Variants in EYS observed in about 807,000 individuals in gnomAD.
EYS encodes the protein protein eyes shut homolog.
In EYS, 250 loss-of-function variants were observed where a neutral mutation model predicts 282.1. That is an observed-to-expected ratio of 0.89 (90% confidence interval 0.80 to 0.98). The LOEUF is 0.98. Among genes scored for constraint, EYS ranks in the 50% least tolerant of loss-of-function variants. The probability of loss-of-function intolerance (pLI) is 0.00; values close to 1 mark genes in which losing one functional copy is unlikely to be tolerated. For missense variants in EYS, 4,016 were observed against 3,709.0 expected (o/e 1.08, Z -2.15); for synonymous variants, 1,355 against 1,282.9 (o/e 1.06, Z -1.20).
rs948756894 is a variant in EYS, at chr6:64,887,943, G to T, written c.2847-1101C>A. ...ATCAGTGTTTTAAAATTCTGAATAT[G>T]AATGAAAACATGCAGTATTTTTCTT... On this transcript the variant is annotated intron_variant, in intron 18 of 42. Transcript: ENST00000503581. Among the ~76,000 whole-genome samples, 43 of 151,730 alleles carry T rather than the reference G, an allele frequency of 2.8e-4. 1 individual carries two copies. Among genetic ancestry groups the T allele is most frequent in the African/African-American group, 1.0e-3 (43 of 41,148 alleles).
chr6:64,442,430 C>A (rs1774978839), intron 26 of EYS, among the ~76,000 whole-genome samples: 5 of 152,118 alleles, frequency 3.3e-5, no homozygotes, highest in Admixed American at 3.3e-4. Context: ...ATCCCATTTT[C>A]TGAGGAGAAA....
chr6:64,740,000 C>CA (rs1171877138), intron 22 of EYS, among the ~76,000 whole-genome samples: 1 of 152,044 alleles, frequency 6.6e-6, no homozygotes, highest in African/African-American at 2.4e-5. Flanking sequence ...AACTCATTAG[C>CA]AAAAAATCAA....
At chr6:64,880,495 C>A (rs1370178692) in intron 19 of EYS, among the ~76,000 whole-genome samples, 1 of 151,416 alleles carries the variant, frequency 6.6e-6, no homozygotes. Context: ...GGTTCTTGAT[C>A]TCTCTCTACC....
At chr6:64,884,384 T>C (rs1767019043) in intron 19 of EYS, among the ~76,000 whole-genome samples, 1 of 151,508 alleles carries the variant, frequency 6.6e-6, no homozygotes, top group African/African-American at 2.4e-5. Flanking sequence ...GATGTGTATT[T>C]TGGTTCCGGC....
At chr6:64,348,107 A>G (rs768650851) in intron 29 of EYS, among the ~76,000 whole-genome samples, 52 of 151,506 alleles carry the variant, frequency 3.4e-4, no homozygotes, top group Non-Finnish European at 6.5e-4. Context: ...CTGGCTTGCT[A>G]AAAGAACTGA....
chr6:65,037,975 C>A (rs1340248198), intron 13 of EYS, among the ~76,000 whole-genome samples: 1 of 151,588 alleles, frequency 6.6e-6, no homozygotes, highest in African/African-American at 2.4e-5. Flanking sequence ...AGTTCCTCCT[C>A]CAACAGTGAG....
chr6:64,042,392 G>C (rs138132081), intron 33 of EYS, among the ~76,000 whole-genome samples: 138 of 152,320 alleles, frequency 9.1e-4, no homozygotes, highest in African/African-American at 3.1e-3. Flanking sequence ...GGAAAATGGG[G>C]AATAAGTATG....
chr6:64,477,027 T>G (rs1776292366), intron 26 of EYS, among the ~76,000 whole-genome samples: 1 of 151,980 alleles, frequency 6.6e-6, no homozygotes, highest in Non-Finnish European at 1.5e-5. Flanking sequence ...AGAAAGAAGA[T>G]TATCTTCCCT....
intron 22 of EYS, among the ~76,000 whole-genome samples, chr6:64,766,649 A>AAAATATAT (rs1387919586): frequency 1.6e-4 from 3 of 19,066 alleles, no homozygotes; most frequent in Non-Finnish European, 2.1e-4. Flanking sequence ...AAAAAAAAAA[A>AAAATATAT]ATATATATAT....
At chr6:64,247,299 C>T (rs1034986598) in intron 30 of EYS, among the ~76,000 whole-genome samples, 7 of 152,170 alleles carry the variant, frequency 4.6e-5, no homozygotes, top group Admixed American at 1.3e-4. Context: ...GCCATAAGAA[C>T]ATATGTGCTG....
chr6:65,465,021 A>C (rs1292230538), intron 5 of EYS, among the ~76,000 whole-genome samples: 2 of 152,236 alleles, frequency 1.3e-5, no homozygotes, highest in African/African-American at 4.8e-5. Context: ...AAAATAGAGA[A>C]TAGAACCATT....
intron 35 of EYS, among the ~76,000 whole-genome samples, chr6:63,923,304 C>T (rs1764623751): frequency 1.3e-5 from 2 of 151,914 alleles, no homozygotes; most frequent in Non-Finnish European, 2.9e-5. Flanking sequence ...GCAAATATGC[C>T]ATTTAAAAAA....
intron 2 of EYS, among the ~76,000 whole-genome samples, chr6:65,504,405 A>G (rs1022083546): frequency 6.6e-6 from 1 of 151,478 alleles, no homozygotes; most frequent in Non-Finnish European, 1.5e-5. Context: ...TCATGCTTTT[A>G]TTTTCTAATT....
At chr6:65,233,998 T>A (rs1766856397) in intron 12 of EYS, among the ~76,000 whole-genome samples, 1 of 152,164 alleles carries the variant, frequency 6.6e-6, no homozygotes, top group Non-Finnish European at 1.5e-5. Context: ...CTGGGCTGTC[T>A]CTCTTCCTGA....
intron 31 of EYS, among the ~76,000 whole-genome samples, chr6:64,206,925 A>G (rs1042566275): frequency 6.6e-6 from 1 of 152,110 alleles, no homozygotes; most frequent in African/African-American, 2.4e-5. Context: ...TCACCCAGGT[A>G]TTAAGCCTAA....
intron 22 of EYS, among the ~76,000 whole-genome samples, chr6:64,737,255 T>C (rs1329647276): frequency 6.6e-6 from 1 of 152,242 alleles, no homozygotes; most frequent in Non-Finnish European, 1.5e-5. Context: ...TCAAATATCA[T>C]TGATATCAGT....
intron 35 of EYS, among the ~76,000 whole-genome samples, chr6:63,957,776 G>T (rs78116849): frequency 0.018 from 2,566 of 140,346 alleles, 192 homozygotes; most frequent in African/African-American, 0.06. Flanking sequence ...AAATTCCTGA[G>T]CTATCAACAA....
chr6:65,190,266 T>G (rs914580491), intron 12 of EYS, among the ~76,000 whole-genome samples: 2 of 148,070 alleles, frequency 1.4e-5, no homozygotes, highest in African/African-American at 4.9e-5. Flanking sequence ...TTAATTTATA[T>G]ATTTATATGT....
intron 31 of EYS, among the ~76,000 whole-genome samples, chr6:64,141,172 A>G (rs1208085826): frequency 6.6e-6 from 1 of 152,210 alleles, no homozygotes; most frequent in African/African-American, 2.4e-5. Context: ...TGGTAGCACA[A>G]TACTTTATTC....
Sources: gnomAD v4.1 joint callset for allele counts (sites outside exome capture counted in the v4.1 genomes callset) on GRCh38, gnomAD v4.1.1 for gene constraint, MANE v1.5 for transcripts, NCBI Gene and HGNC (gene_info 2026-07-23, HGNC 2026-07-21) for gene names.